Variants in CCDC91 observed in about 807,000 individuals in gnomAD.
The protein encoded by CCDC91 is coiled-coil domain-containing protein 91.
CCDC91 carries 48 observed loss-of-function variants against 63.2 expected under a neutral mutation model. The ratio of observed to expected loss-of-function variants is 0.76; its 90% confidence interval spans 0.60 to 0.97. The LOEUF (loss-of-function observed/expected upper bound fraction) is 0.97. CCDC91 is among the 50% of genes least tolerant of loss of function. The pLI is 0.00. For missense variants in CCDC91, 500 were observed against 494.6 expected, an observed-to-expected ratio of 1.01 and a Z score of -0.10; for synonymous variants, 167 against 165.8, an observed-to-expected ratio of 1.01 and a Z score of -0.06.
chr12:28,524,243 T>G (rs1399049852), intron 12 of CCDC91, among the ~76,000 whole-genome samples: 1 of 152,114 alleles, frequency 6.6e-6, no homozygotes, highest in African/African-American at 2.4e-5. Context: ...CGTTCAGTAT[T>G]ATGTTGGCTG....
At chr12:28,286,904 A>T (rs2070229900) in intron 3 of CCDC91, among the ~76,000 whole-genome samples, 1 of 152,180 alleles carries the variant, frequency 6.6e-6, no homozygotes, top group Admixed American at 6.5e-5. Flanking sequence ...AATAATAGCC[A>T]TTATGACTGG....
chr12:28,275,984 A>C (rs1166635714), intron 3 of CCDC91, among the ~76,000 whole-genome samples: 7 of 152,096 alleles, frequency 4.6e-5, no homozygotes, highest in Admixed American at 4.6e-4. Flanking sequence ...AAATAATAAG[A>C]GCTATCTATG....
chr12:28,356,745 C>G (rs550582433), intron 6 of CCDC91, among the ~76,000 whole-genome samples: 6 of 152,244 alleles, frequency 3.9e-5, no homozygotes, highest in Admixed American at 3.3e-4. Context: ...TAATTATGTT[C>G]TATATTGGAA....
Position 28,265,229 on chromosome 12 carries a change from G to A in CCDC91, c.109+5787G>A, listed in dbSNP as rs575826162. ...TTTCTAATATGTTTCTAAGTTCCTT[G>A]TAGCACTACACAGACCACATTAGAA... On this transcript the variant is annotated intron_variant, in intron 3 of 12. Transcript: ENST00000536442. Among the ~76,000 whole-genome samples, 25 of 152,126 alleles carry A rather than the reference G, an allele frequency of 1.6e-4. No homozygotes were observed. In the East Asian group the frequency reaches 4.6e-3, roughly 28 times the overall value.
intron 11 of CCDC91, among the ~76,000 whole-genome samples, chr12:28,461,374 G>A (rs1950304406): frequency 6.6e-6 from 1 of 151,994 alleles, no homozygotes. Flanking sequence ...TTCTATTCCT[G>A]TATTATTATA....
chr12:28,541,520 T>C (rs573253958), intron 12 of CCDC91, among the ~76,000 whole-genome samples: 4 of 152,250 alleles, frequency 2.6e-5, no homozygotes, highest in South Asian at 4.1e-4. Context: ...TTGACAGATA[T>C]TGTTCTTTAG....
intron 11 of CCDC91, among the ~76,000 whole-genome samples, chr12:28,474,559 C>T (rs766794499): frequency 1.3e-5 from 2 of 151,670 alleles, no homozygotes; most frequent in African/African-American, 4.8e-5. Context: ...TGTTACACAG[C>T]AAAAAGTAAT....
At chr12:28,291,598 C>T (rs1299971048) in intron 3 of CCDC91, among the ~76,000 whole-genome samples, 3 of 152,158 alleles carry the variant, frequency 2.0e-5, no homozygotes, top group Non-Finnish European at 4.4e-5. Context: ...TACTTTGGAG[C>T]TTCTTTGCGG....
At chr12:28,270,246 T>A (rs1407789595) in intron 3 of CCDC91, among the ~76,000 whole-genome samples, 2 of 152,082 alleles carry the variant, frequency 1.3e-5, no homozygotes, top group African/African-American at 4.8e-5. Context: ...CCTAAAGTAC[T>A]TAGAACACAA....
At chr12:28,474,051 A>G (rs976297857) in intron 11 of CCDC91, among the ~76,000 whole-genome samples, 5 of 151,884 alleles carry the variant, frequency 3.3e-5, no homozygotes, top group Non-Finnish European at 7.4e-5. Flanking sequence ...TAATTTTTCG[A>G]TGATTGCTCT....
At chr12:28,353,594 G>C (rs1592399434) in intron 6 of CCDC91, among the ~76,000 whole-genome samples, 1 of 152,246 alleles carries the variant, frequency 6.6e-6, no homozygotes, top group Middle Eastern at 3.4e-3. Flanking sequence ...CTGTGTCTCA[G>C]AGAATAGAGA....
intron 3 of CCDC91, among the ~76,000 whole-genome samples, chr12:28,298,775 T>TAC (rs1565755668): frequency 6.2e-5 from 8 of 129,822 alleles, no homozygotes; most frequent in South Asian, 5.2e-4. Context: ...TGTGCTTGTG[T>TAC]GCACATATAT....
intron 11 of CCDC91, among the ~76,000 whole-genome samples, chr12:28,475,572 T>C (rs1365218392): frequency 6.6e-6 from 1 of 152,036 alleles, no homozygotes; most frequent in Non-Finnish European, 1.5e-5. Context: ...ACTTTAAAAT[T>C]ACGTGTGTTG....
chr12:28,235,239 A>AT (rs1312038552), intron 1 of CCDC91, among the ~76,000 whole-genome samples: 1 of 152,186 alleles, frequency 6.6e-6, no homozygotes, highest in Non-Finnish European at 1.5e-5. Context: ...GCTCACCCAC[A>AT]TTCAAGGGGA....
intron 8 of CCDC91, among the ~76,000 whole-genome samples, chr12:28,395,052 G>A (rs954944490): frequency 2.0e-5 from 3 of 152,132 alleles, no homozygotes; most frequent in Non-Finnish European, 4.4e-5. Flanking sequence ...CAGAACCAGG[G>A]CTGGGATTCA....
At chr12:28,457,223 T>C (rs1285633253) in intron 11 of CCDC91, among the ~76,000 whole-genome samples, 3 of 151,866 alleles carry the variant, frequency 2.0e-5, no homozygotes, top group Non-Finnish European at 4.4e-5. Flanking sequence ...ATTCTGTCTT[T>C]TAGGTGTTTG....
chr12:28,301,704 T>C (rs1938098807), intron 3 of CCDC91, among the ~76,000 whole-genome samples: 1 of 151,710 alleles, frequency 6.6e-6, no homozygotes, highest in South Asian at 2.1e-4. Flanking sequence ...GCTTTCTTTG[T>C]TGGGTAGTTG....
chr12:28,336,943 CAA>C (rs1292399902), intron 6 of CCDC91, among the ~76,000 whole-genome samples: 1 of 152,022 alleles, frequency 6.6e-6, no homozygotes, highest in African/African-American at 2.4e-5. Context: ...TAACTGAAGA[CAA>C]TATTTTTCAT....
intron 1 of CCDC91, among the ~76,000 whole-genome samples, chr12:28,235,159 T>C (rs957984778): frequency 2.0e-5 from 3 of 152,110 alleles, no homozygotes; most frequent in African/African-American, 7.2e-5. Flanking sequence ...GGAAGGTGCC[T>C]ATTTCTTAAG....
Sources: allele counts gnomAD v4.1 joint callset (sites outside exome capture counted in the v4.1 genomes callset), GRCh38; gene constraint gnomAD v4.1.1; transcripts MANE v1.5; gene names NCBI Gene and HGNC (gene_info 2026-07-23, HGNC 2026-07-21).